Variants in GAB1 observed in about 807,000 individuals in gnomAD.
GAB1 encodes the protein GRB2 associated binding protein 1.
In GAB1, 19 loss-of-function variants were observed where a neutral mutation model predicts 66.5. The observed-to-expected ratio is 0.29, with a 90% CI of 0.20 to 0.42. The LOEUF (loss-of-function observed/expected upper bound fraction) is 0.42. GAB1 is among the 10% of genes least tolerant of loss of function. The pLI is 1.00. For missense variants in GAB1, 732 were observed against 858.5 expected (o/e 0.85, Z 1.84); for synonymous variants, 294 against 301.4 (o/e 0.98, Z 0.25).
chr4:143,459,247 A>G, intron 6 of GAB1, 138 bp from the exon 7 acceptor site: 1 of 635,930 alleles, frequency 1.6e-6, no homozygotes, highest in Non-Finnish European at 2.8e-6. Flanking sequence ...ACATTCATGG[A>G]CCTCATTTCA....
chr4:143,360,517 G>A (rs565396224), intron 1 of GAB1, among the ~76,000 whole-genome samples: 27 of 152,048 alleles, frequency 1.8e-4, no homozygotes, highest in Non-Finnish European at 3.5e-4. Flanking sequence ...TTTGGGGTAA[G>A]GAATCCTACT....
At chr4:143,387,450 A>T (rs1730971590) in intron 1 of GAB1, among the ~76,000 whole-genome samples, 1 of 152,156 alleles carries the variant, frequency 6.6e-6, no homozygotes, top group Non-Finnish European at 1.5e-5. Flanking sequence ...TGAAGAAGCA[A>T]TGTTCAGGGA....
chr4:143,349,614 A>C (rs1408966767), intron 1 of GAB1: 2 of 1,470,480 alleles, frequency 1.4e-6, no homozygotes, highest in Non-Finnish European at 9.2e-7. Context: ...TCACCTTGCA[A>C]GGGACGGTGT....
intron 1 of GAB1, among the ~76,000 whole-genome samples, chr4:143,393,230 T>TAA (rs35271599): frequency 2.2e-5 from 3 of 133,620 alleles, no homozygotes; most frequent in South Asian, 2.3e-4. Flanking sequence ...TTTTTTTTTT[T>TAA]AAAAAAAAAA....
At position 143,364,863 on chromosome 4, in the gene GAB1, A is replaced by G. The variant is rs1581230571; in HGVS notation, c.72+27603A>G. Among the ~76,000 whole-genome samples the G allele has an allele frequency of 5.6e-5, 8 of 141,916 alleles. No individual in the cohort carries two copies. In the South Asian group the frequency reaches 1.8e-3, roughly 31 times the overall value. The allele number at this position is 141,916 out of a possible 152,430, so 93.1% of individuals were successfully genotyped here. On this transcript the variant is annotated intron_variant, in intron 1 of 9. Coordinates refer to ENST00000262994, the MANE Select transcript of GAB1 (RefSeq NM_002039.4). ...AGACAAAAATTAAAGCTCTCCCTGCATCTACTTTTTTTTTTTTTTTTTTTT... is the reference window on the plus strand; with the variant it reads ...AGACAAAAATTAAAGCTCTCCCTGCGTCTACTTTTTTTTTTTTTTTTTTTT...
chr4:143,467,210 A>C (rs945439383), intron 9 of GAB1, among the ~76,000 whole-genome samples: 1 of 152,206 alleles, frequency 6.6e-6, no homozygotes, highest in African/African-American at 2.4e-5. Context: ...ATACTATCCC[A>C]CTACTGTCTT....
chr4:143,371,346 C>T (rs1333801695), intron 1 of GAB1, among the ~76,000 whole-genome samples: 1 of 151,898 alleles, frequency 6.6e-6, no homozygotes, highest in African/African-American at 2.4e-5. Flanking sequence ...ATAAATGTCT[C>T]CTTTTGAGAA....
At chr4:143,455,894 T>C (rs1365340974) in intron 6 of GAB1, among the ~76,000 whole-genome samples, 2 of 152,120 alleles carry the variant, frequency 1.3e-5, no homozygotes, top group Non-Finnish European at 2.9e-5. Context: ...CCTAAAGGTC[T>C]GGAAAGGTAA....
intron 2 of GAB1, among the ~76,000 whole-genome samples, chr4:143,421,698 C>CTTT (rs70953733): frequency 0.21 from 24,640 of 116,848 alleles, 2,423 homozygotes; most frequent in South Asian, 0.32. Context: ...CTTTTCTTTT[C>CTTT]TTTTTTTTTT....
At chr4:143,442,144 G>A (rs1163575414) in intron 6 of GAB1, among the ~76,000 whole-genome samples, 1 of 152,088 alleles carries the variant, frequency 6.6e-6, no homozygotes, top group African/African-American at 2.4e-5. Flanking sequence ...TTTATAATTG[G>A]TTCATACAGA....
chr4:143,450,118 T>TTAATGTGGGG (rs1443673638), intron 6 of GAB1, among the ~76,000 whole-genome samples: 1 of 152,176 alleles, frequency 6.6e-6, no homozygotes, highest in Admixed American at 6.6e-5. Flanking sequence ...ATGGAGTGCA[T>TTAATGTGGGG]TTTTACAGCA....
chr4:143,413,881 G>T (rs760947223), intron 1 of GAB1, among the ~76,000 whole-genome samples: 2 of 131,082 alleles, frequency 1.5e-5, no homozygotes, highest in African/African-American at 3.1e-5. Flanking sequence ...AGGCTGGAGC[G>T]CAGTGATCTC....
chr4:143,347,378 A>G (rs747034541), intron 1 of GAB1, among the ~76,000 whole-genome samples: 1 of 152,232 alleles, frequency 6.6e-6, no homozygotes. Context: ...TACAAAAACA[A>G]TAGCTATATT....
chr4:143,359,736 A>G (rs369114114), intron 1 of GAB1, among the ~76,000 whole-genome samples: 7 of 152,248 alleles, frequency 4.6e-5, no homozygotes, highest in South Asian at 2.1e-4. Flanking sequence ...TTCCTAGAGT[A>G]CCTCTTCCTT....
chr4:143,400,176 C>T (rs1731693399), intron 1 of GAB1, among the ~76,000 whole-genome samples: 1 of 152,196 alleles, frequency 6.6e-6, no homozygotes, highest in African/African-American at 2.4e-5. Context: ...CTCCTGATCT[C>T]AAATGATCCA....
chr4:143,401,844 CCTTCA>C (rs60550709), intron 1 of GAB1, among the ~76,000 whole-genome samples: 56,059 of 151,660 alleles, frequency 0.37, 10,438 homozygotes, highest in South Asian at 0.48. Flanking sequence ...ATAATTTTCG[CCTTCA>C]CTTTTCAGTT....
chr4:143,455,909 G>A (rs369097733), intron 6 of GAB1, among the ~76,000 whole-genome samples: 26 of 152,302 alleles, frequency 1.7e-4, no homozygotes, highest in African/African-American at 6.0e-4. Flanking sequence ...AGGTAAGACA[G>A]TGTGGTATAG....
At chr4:143,393,900 A>T (rs1316018501) in intron 1 of GAB1, among the ~76,000 whole-genome samples, 1 of 152,220 alleles carries the variant, frequency 6.6e-6, no homozygotes, top group African/African-American at 2.4e-5. Flanking sequence ...TTACATACTT[A>T]GGACAAGCAT....
At chr4:143,341,921 A>G (rs894142647) in intron 1 of GAB1, among the ~76,000 whole-genome samples, 7 of 152,192 alleles carry the variant, frequency 4.6e-5, no homozygotes, top group African/African-American at 1.4e-4. Context: ...TTTTTTGACA[A>G]TTACCACTAG....
Sources: allele counts gnomAD v4.1 joint callset (sites outside exome capture counted in the v4.1 genomes callset), GRCh38; gene constraint gnomAD v4.1.1; transcripts MANE v1.5; gene names NCBI Gene and HGNC (gene_info 2026-07-23, HGNC 2026-07-21).